Variants in NCBP1 observed in about 807,000 individuals in gnomAD.
The protein encoded by NCBP1 is nuclear cap-binding protein subunit 1.
Under a neutral mutation model 111.7 loss-of-function variants are expected in NCBP1, and 16 were observed. The observed-to-expected ratio is 0.14, with a 90% CI of 0.10 to 0.22. The LOEUF (loss-of-function observed/expected upper bound fraction) is 0.22. Among genes scored for constraint, NCBP1 ranks in the 10% least tolerant of loss-of-function variants. NCBP1 has a pLI of 1.00. For missense variants in NCBP1, 607 were observed against 957.5 expected, an observed-to-expected ratio of 0.63 and a Z score of 4.83; for synonymous variants, 304 against 314.3, an observed-to-expected ratio of 0.97 and a Z score of 0.35.
intron 7 of NCBP1, 70 bp from the exon 8 acceptor site, chr9:97,647,938 T>G: frequency 3.2e-6 from 4 of 1,240,550 alleles, no homozygotes; most frequent in Admixed American, 2.1e-5. Context: ...TTTTAAAGGG[T>G]AGTGATTTTT....
chr9:97,657,817 TA>T (rs1403030912), intron 14 of NCBP1, among the ~76,000 whole-genome samples: 2 of 151,610 alleles, frequency 1.3e-5, no homozygotes, highest in East Asian at 3.9e-4. Flanking sequence ...CGATGGGTTA[TA>T]AACTATGAGG....
In NCBP1 at chr9:97,662,943, A is replaced by G; in HGVS notation, c.1704-11A>G. Reference sequence around the variant, plus strand: ...GTATATATGGTATTTTTTTCCCATCATTATCAAAAGGTTTCATGAAGTCTT... The same window carrying G: ...GTATATATGGTATTTTTTTCCCATCGTTATCAAAAGGTTTCATGAAGTCTT... On this transcript the variant is annotated splice_polypyrimidine_tract_variant and intron_variant, in intron 17 of 22. Transcript: ENST00000375147. 1.3e-6 allele frequency: 2 copies of G among 1,591,496 alleles called. No individual in the cohort carries two copies. Among genetic ancestry groups the G allele is most frequent in the Non-Finnish European group, 1.7e-6 (2 of 1,167,018 alleles).
At chr9:97,636,637 CATATATATATAT>C (rs377027165) in intron 1 of NCBP1, among the ~76,000 whole-genome samples, 1,860 of 111,250 alleles carry the variant, frequency 0.017, 66 homozygotes, top group African/African-American at 0.054. Context: ...GAAAGTAATA[CATATATATATAT>C]ATATATATAT....
Position 97,668,962 on chromosome 9 carries a change from C to T in NCBP1, c.2133C>T (p.Leu711=), listed in dbSNP as rs1433832922. ...AGAGTGAACAAAAGAATCTTTTCCTCGTTATATTTCAGGTATCTTGGCTTG... is the reference window on the plus strand; with the variant it reads ...AGAGTGAACAAAAGAATCTTTTCCTTGTTATATTTCAGGTATCTTGGCTTG... The part of the protein sequence containing the change: ...SAQSEQKNLF[L]VIFQRFIMIL... Residue 711 remains leucine, a synonymous_variant, in exon 21 of 23, where the codon CTC becomes CTT. Transcript: ENST00000375147. The T allele has an allele frequency of 1.1e-5, 18 of 1,608,180 alleles. No homozygotes were observed. Among genetic ancestry groups the T allele is most frequent in the South Asian group, 4.5e-5 (4 of 89,804 alleles).
At chr9:97,651,775 A>G (rs1353588506) in intron 10 of NCBP1, among the ~76,000 whole-genome samples, 1 of 152,188 alleles carries the variant, frequency 6.6e-6, no homozygotes, top group Admixed American at 6.5e-5. Flanking sequence ...CTGGCCTCTC[A>G]GTACTAGCAT....
rs139059594 is a variant in NCBP1, at chr9:97,647,705, G to A, written c.681+144G>A. 4.8e-4 allele frequency: 335 copies of A among 704,504 alleles called. No individual in the cohort carries two copies. The African/African-American group carries it at 5.4e-3, about 11-fold the overall frequency. The allele number at this position is 704,504 out of a possible 1,614,324, so 43.6% of individuals were successfully genotyped here. Reference sequence around the variant, plus strand: ...ATAGTTCCTTCTCATAGCTCAAGGTGTATGGTAGGTCTTTAATAGATGATA... The same window carrying A: ...ATAGTTCCTTCTCATAGCTCAAGGTATATGGTAGGTCTTTAATAGATGATA... On this transcript the variant is annotated intron_variant, in intron 7 of 22. Transcript: ENST00000375147.
chr9:97,652,497 C>T (rs950917784), intron 10 of NCBP1, among the ~76,000 whole-genome samples: 2 of 152,166 alleles, frequency 1.3e-5, no homozygotes, highest in African/African-American at 2.4e-5. Flanking sequence ...CATGGTGGCA[C>T]GCACCTGTGG....
At position 97,672,002 on chromosome 9, in the gene NCBP1, A is replaced by G. The variant is rs964780808; in HGVS notation, c.*803A>G. The G allele has an allele frequency of 2.6e-5, 4 of 152,214 alleles. No individual in the cohort carries two copies. The highest frequency in any genetic ancestry group is 9.6e-5 in the African/African-American group (4 of 41,452). 9.4% of individuals were successfully genotyped at this position (152,214 alleles called of 1,614,324 possible). A position where few individuals can be genotyped will look rare whatever the true frequency, so the allele number is the denominator to read the frequency against. ...CCAAGGTCTTGTAGTGAGTTACAGAATACTAAAGTGGATGTAGAAGTGGTC... is the reference window on the plus strand; with the variant it reads ...CCAAGGTCTTGTAGTGAGTTACAGAGTACTAAAGTGGATGTAGAAGTGGTC... On this transcript the variant is annotated 3_prime_UTR_variant, in exon 23 of 23. Coordinates refer to ENST00000375147, the MANE Select transcript of NCBP1 (RefSeq NM_002486.5).
Position 97,671,889 on chromosome 9 carries a change from ATCCTTAAAGTTTCCCC to A in NCBP1, c.*691_*706del, listed in dbSNP as rs1386594943. ...GGGTGGAACGCAGACATCCTCAGTA[ATCCTTAAAGTTTCCCC>A]AGGTGATTCCAGGTTTGGTCACCAT... On this transcript the variant is annotated 3_prime_UTR_variant, in exon 23 of 23. Transcript: ENST00000375147. 6.6e-6 allele frequency: 1 copy of A among 152,198 alleles called. No homozygotes were observed. The highest frequency in any genetic ancestry group is 2.4e-5 in the African/African-American group (1 of 41,432). The allele number at this position is 152,198 out of a possible 1,614,324, so 9.4% of individuals were successfully genotyped here. A position where few individuals can be genotyped will look rare whatever the true frequency, so the allele number is the denominator to read the frequency against.
intron 22 of NCBP1, among the ~76,000 whole-genome samples, chr9:97,670,274 C>T (rs1317108971): frequency 6.6e-6 from 1 of 152,004 alleles, no homozygotes; most frequent in African/African-American, 2.4e-5. Context: ...ATGTAGAGGA[C>T]AAAAATATCA....
At chr9:97,669,305 T>A (rs952004322) in intron 21 of NCBP1, among the ~76,000 whole-genome samples, 7 of 152,206 alleles carry the variant, frequency 4.6e-5, no homozygotes, top group African/African-American at 1.7e-4. Context: ...CATAGATTCC[T>A]GTTAAAATTT....
At chr9:97,667,410 TAGA>T (rs1245287754) in intron 20 of NCBP1, among the ~76,000 whole-genome samples, 3 of 152,124 alleles carry the variant, frequency 2.0e-5, no homozygotes, top group Admixed American at 6.5e-5. Context: ...TTTACCATAG[TAGA>T]AGGTGAAAAA....
rs953083411 is a variant in NCBP1 at position 97,670,683 on chromosome 9, C to T, written c.2260-403C>T. ...GAGGAACACATAGACAAGAGTATTT[C>T]GTTTTCTGACTGTTTATCTTCCTGT... On this transcript the variant is annotated intron_variant, in intron 22 of 22. Transcript: ENST00000375147. 4.6e-5 allele frequency among the ~76,000 whole-genome samples: 7 copies of T among 152,266 alleles called. No individual in the cohort carries two copies. The East Asian group carries it at 7.7e-4, about 17-fold the overall frequency.
chr9:97,638,459 AT>A (rs1401944889), intron 1 of NCBP1, among the ~76,000 whole-genome samples: 1 of 152,178 alleles, frequency 6.6e-6, no homozygotes, highest in Non-Finnish European at 1.5e-5. Flanking sequence ...AGGCTGTGGT[AT>A]GATTCCAAAC....
intron 14 of NCBP1, among the ~76,000 whole-genome samples, chr9:97,658,087 T>C (rs1827722964): frequency 6.6e-6 from 1 of 151,924 alleles, no homozygotes; most frequent in Admixed American, 6.6e-5. Flanking sequence ...TGGAATATGG[T>C]ATTTAGGAGC....
chr9:97,668,051 G>C (rs368129388), intron 20 of NCBP1, among the ~76,000 whole-genome samples: 6 of 152,306 alleles, frequency 3.9e-5, no homozygotes, highest in African/African-American at 1.4e-4. Flanking sequence ...TGCTTAAAGT[G>C]GAGAGATCAG....
At chr9:97,670,180 G>A (rs1279861785) in intron 22 of NCBP1, 1 of 225,728 alleles carries the variant, frequency 4.4e-6, no homozygotes, top group Non-Finnish European at 9.0e-6. Flanking sequence ...CTCCCAAAGT[G>A]CTGCTGGGAT....
intron 1 of NCBP1, among the ~76,000 whole-genome samples, chr9:97,639,129 A>C (rs575838223): frequency 3.3e-5 from 5 of 152,324 alleles, no homozygotes; most frequent in Non-Finnish European, 7.4e-5. Context: ...TATCTCCAGG[A>C]ATAAATACAT....
rs571249439 is a variant in NCBP1, at chr9:97,671,518, A to C, written c.*319A>C. The C allele has an allele frequency of 8.1e-6, 2 of 245,910 alleles. No homozygotes were observed. The highest frequency in any genetic ancestry group is 4.6e-5 in the African/African-American group (2 of 43,580). 15.2% of individuals were successfully genotyped at this position (245,910 alleles called of 1,614,324 possible). Reference sequence around the variant, plus strand: ...GAGGTATGTGAAACACTAGAGGTCAACCTTACATAGTATATAGAACTGATG... The same window carrying C: ...GAGGTATGTGAAACACTAGAGGTCACCCTTACATAGTATATAGAACTGATG... On this transcript the variant is annotated 3_prime_UTR_variant, in exon 23 of 23. Coordinates refer to ENST00000375147, the MANE Select transcript of NCBP1 (RefSeq NM_002486.5).
Sources: allele counts gnomAD v4.1 joint callset (sites outside exome capture counted in the v4.1 genomes callset), GRCh38; gene constraint gnomAD v4.1.1; transcripts MANE v1.5; gene names NCBI Gene and HGNC (gene_info 2026-07-23, HGNC 2026-07-21).